Variants in RPTOR observed in about 807,000 individuals in gnomAD.
RPTOR encodes the protein regulatory associated protein of MTOR complex 1, also known as regulatory-associated protein of mTOR.
RPTOR carries 21 observed loss-of-function variants against 169.9 expected under a neutral mutation model. The observed-to-expected ratio is 0.12, with a 90% confidence interval of 0.09 to 0.18. The LOEUF is 0.18. RPTOR is among the 10% of genes least tolerant of loss of function. RPTOR has a pLI of 1.00. For synonymous variants in RPTOR, 732 were observed against 753.2 expected (o/e 0.97, Z 0.46); for missense variants, 1,133 against 1,855.9 (o/e 0.61, Z 7.16).
At chr17:80,546,946 G>A (rs374269224) in intron 1 of RPTOR, among the ~76,000 whole-genome samples, 33 of 152,208 alleles carry the variant, frequency 2.2e-4, no homozygotes, top group South Asian at 1.0e-3. Context: ...GCAGGTGCCC[G>A]TAATCCCAGC....
intron 5 of RPTOR, among the ~76,000 whole-genome samples, chr17:80,738,113 G>C (rs1567883556): frequency 6.6e-6 from 1 of 152,190 alleles, no homozygotes; most frequent in Non-Finnish European, 1.5e-5. Flanking sequence ...GGAAACACAG[G>C]CCCATGGAGG....
At chr17:80,713,645 A>G (rs764967770) in intron 4 of RPTOR, among the ~76,000 whole-genome samples, 30 of 152,330 alleles carry the variant, frequency 2.0e-4, no homozygotes, top group Non-Finnish European at 3.8e-4. Flanking sequence ...AATACTAGTC[A>G]TAGAAAACCA....
chr17:80,676,951 C>T (rs1245606630), intron 3 of RPTOR, among the ~76,000 whole-genome samples: 1 of 152,202 alleles, frequency 6.6e-6, no homozygotes, highest in Non-Finnish European at 1.5e-5. Flanking sequence ...TTTTAATAAT[C>T]AGTTTCAGGT....
intron 13 of RPTOR, among the ~76,000 whole-genome samples, chr17:80,879,824 C>G (rs539882288): frequency 3.3e-5 from 5 of 152,190 alleles, no homozygotes; most frequent in Non-Finnish European, 7.3e-5. Context: ...GTGGGAAGGT[C>G]GCCTGCCTGG....
chr17:80,960,844 G>A lies in RPTOR; in HGVS notation c.3606-550G>A, dbSNP rs140513581. The A allele has an allele frequency of 4.4e-3, 730 of 164,346 alleles. 6 individuals carry two copies. The highest frequency in any genetic ancestry group is 0.013 in the African/African-American group (562 of 41,890). The allele number at this position is 164,346 out of a possible 1,614,324, so 10.2% of individuals were successfully genotyped here. A position where few individuals can be genotyped will look rare whatever the true frequency, so the allele number is the denominator to read the frequency against. On this transcript the variant is annotated intron_variant, in intron 30 of 33. Transcript: ENST00000306801. This position sits in a 1 kb window ranked among gnomAD's most constrained non-coding sequence, Gnocchi z 4.8. ...GGCACTGCCTCTGCTGAGCACCCCC[G>A]TGGGCAGGTGCTGTCCGGGCCTAGC...
At chr17:80,576,952 C>A (rs1276814413) in intron 1 of RPTOR, among the ~76,000 whole-genome samples, 1 of 152,166 alleles carries the variant, frequency 6.6e-6, no homozygotes, top group African/African-American at 2.4e-5. Context: ...GATCCACATA[C>A]CTTGGCCTCC....
intron 21 of RPTOR, among the ~76,000 whole-genome samples, chr17:80,912,424 A>G (rs2068624108): frequency 6.6e-6 from 1 of 152,094 alleles, no homozygotes; most frequent in Non-Finnish European, 1.5e-5. Context: ...ATTTAAGTTT[A>G]TTTTTCAGTG....
chr17:80,755,882 C>T (rs1452066602), intron 6 of RPTOR, among the ~76,000 whole-genome samples: 1 of 152,144 alleles, frequency 6.6e-6, no homozygotes, highest in Non-Finnish European at 1.5e-5. Context: ...CTGAAAGGGC[C>T]ACTGTCCTCT....
intron 3 of RPTOR, among the ~76,000 whole-genome samples, chr17:80,675,665 G>A (rs989661703): frequency 1.3e-5 from 2 of 151,952 alleles, no homozygotes; most frequent in Non-Finnish European, 2.9e-5. Flanking sequence ...CGCGGAACCC[G>A]GCTGCTCTGC....
Position 80,923,558 on chromosome 17 carries a change from G to T in RPTOR, c.2693G>T (p.Ser898Ile). 1 of 1,613,520 alleles carries T rather than the reference G, an allele frequency of 6.2e-7. No homozygotes were observed. Among genetic ancestry groups the T allele is most frequent in the Non-Finnish European group, 8.5e-7 (1 of 1,180,008 alleles). Residue 898 changes from serine (S) to isoleucine (I), a missense_variant, in exon 23 of 34, where the codon AGC (serine) becomes ATC (isoleucine). This residue lies in a region of RPTOR where 123 missense variants were observed against 129.0 expected (regional missense o/e 0.95). Coordinates refer to ENST00000306801, the MANE Select transcript of RPTOR (RefSeq NM_020761.3). ...LTNDVAKQPV[S>I]RDLPSGRPGT... Reference sequence around the variant, plus strand: ...AACGATGTGGCCAAGCAGCCGGTCAGCCGAGACTTGCCTTCTGGCCGGCCG... The same window carrying T: ...AACGATGTGGCCAAGCAGCCGGTCATCCGAGACTTGCCTTCTGGCCGGCCG...
chr17:80,697,581 A>T (rs2066047780), intron 3 of RPTOR, among the ~76,000 whole-genome samples: 1 of 152,234 alleles, frequency 6.6e-6, no homozygotes, highest in Middle Eastern at 3.4e-3. Context: ...TGGCGGCGTG[A>T]TAGGTGCAGG....
intron 24 of RPTOR, among the ~76,000 whole-genome samples, chr17:80,930,608 G>A (rs1177014148): frequency 6.6e-6 from 1 of 151,958 alleles, no homozygotes; most frequent in Non-Finnish European, 1.5e-5. Flanking sequence ...GGTGCTTCCT[G>A]TTCTTTCCTG....
intron 6 of RPTOR, among the ~76,000 whole-genome samples, chr17:80,758,049 A>T (rs890342860): frequency 6.6e-6 from 1 of 152,230 alleles, no homozygotes; most frequent in Non-Finnish European, 1.5e-5. Context: ...CTGTGTATGT[A>T]ATAAGACCCA....
chr17:80,795,985 C>T (rs1430649242), intron 7 of RPTOR, among the ~76,000 whole-genome samples: 1 of 152,246 alleles, frequency 6.6e-6, no homozygotes, highest in Admixed American at 6.5e-5. Flanking sequence ...CATCTGCCAT[C>T]AGCTGAGGCA....
chr17:80,629,646 TC>T (rs1405287909), intron 2 of RPTOR, among the ~76,000 whole-genome samples: 1 of 151,716 alleles, frequency 6.6e-6, no homozygotes, highest in African/African-American at 2.4e-5. Flanking sequence ...CCGCAGCTCT[TC>T]CGTGTGTCTC....
intron 3 of RPTOR, among the ~76,000 whole-genome samples, chr17:80,644,094 G>A (rs1279518007): frequency 6.6e-6 from 1 of 152,100 alleles, no homozygotes; most frequent in African/African-American, 2.4e-5. Context: ...TATTCTTTTC[G>A]CTCTTAACCA....
At chr17:80,949,798 C>A (rs1004910617) in intron 28 of RPTOR, among the ~76,000 whole-genome samples, 1 of 152,268 alleles carries the variant, frequency 6.6e-6, no homozygotes, top group Non-Finnish European at 1.5e-5. Flanking sequence ...CTGTCCCCAA[C>A]CTTCATCCTT....
At chr17:80,678,893 T>C (rs527978863) in intron 3 of RPTOR, among the ~76,000 whole-genome samples, 2 of 152,330 alleles carry the variant, frequency 1.3e-5, no homozygotes, top group South Asian at 2.1e-4. Flanking sequence ...CTGCTGTCCA[T>C]GCCCGACAAG....
At chr17:80,929,059 C>T (rs907781316) in intron 24 of RPTOR, among the ~76,000 whole-genome samples, 7 of 152,068 alleles carry the variant, frequency 4.6e-5, no homozygotes, top group South Asian at 2.1e-4. Context: ...GGGTTCTGCC[C>T]GGAGATGTTC....
Sources: allele counts gnomAD v4.1 joint callset (sites outside exome capture counted in the v4.1 genomes callset), GRCh38; gene constraint gnomAD v4.1.1; regional missense constraint gnomAD v4.1.1; non-coding constraint Gnocchi (gnomAD v3.1); transcripts MANE v1.5; gene names NCBI Gene and HGNC (gene_info 2026-07-23, HGNC 2026-07-21).